LAMA1: variants seen among roughly 807,000 people sequenced by gnomAD.
The protein encoded by LAMA1 is laminin subunit alpha-1.
Under a neutral mutation model 348.7 loss-of-function variants are expected in LAMA1, and 219 were observed. That is an observed-to-expected ratio of 0.63 (90% CI 0.56 to 0.70). The LOEUF is 0.70. Ranked by LOEUF, LAMA1 falls within the 30% of genes least tolerant of loss-of-function variation. The probability of loss-of-function intolerance (pLI) is 0.00; values close to 1 mark genes in which losing one functional copy is unlikely to be tolerated. For synonymous variants in LAMA1, 1,487 were observed against 1,491.0 expected, an observed-to-expected ratio of 1.00 and a Z score of 0.06; for missense variants, 3,744 against 3,888.0, an observed-to-expected ratio of 0.96 and a Z score of 0.99.
chr18:6,999,473 C>T lies in LAMA1; in HGVS notation c.4635G>A (p.Arg1545=), dbSNP rs747435614. 2.2e-5 allele frequency: 35 copies of T among 1,614,044 alleles called. No individual in the cohort carries two copies. In the East Asian group the frequency reaches 5.3e-4, roughly 25 times the overall value. Residue 1545 remains arginine (R), a synonymous_variant, in exon 32 of 63, where the codon AGG becomes AGA. Transcript: ENST00000389658. ...SGLRCDECEP[R]HILMETDCVS... ...CACAATCTGTTTCCATCAGAATGTG[C>T]CTCGGTTCACACTCATCGCACCGGA...
At chr18:7,101,864 T>TGG (rs370724925) in intron 1 of LAMA1, among the ~76,000 whole-genome samples, 1 of 147,982 alleles carries the variant, frequency 6.8e-6, no homozygotes, top group African/African-American at 2.5e-5. Context: ...TTTGTAGAGC[T>TGG]GGGGGGGTCT....
chr18:7,017,232 G>C (rs756289717), intron 20 of LAMA1, 46 bp downstream of exon 20: 1 of 1,451,432 alleles, frequency 6.9e-7, no homozygotes, highest in East Asian at 2.3e-5. Flanking sequence ...GGATTCAATC[G>C]CCTCTGTACC....
chr18:7,026,343 G>C (rs898915793), intron 16 of LAMA1, among the ~76,000 whole-genome samples: 1 of 152,220 alleles, frequency 6.6e-6, no homozygotes, highest in African/African-American at 2.4e-5. Flanking sequence ...ACAAGGGCAG[G>C]AGATGGAGGA....
rs149080936 is a variant in LAMA1 at position 6,974,949 on chromosome 18, C to A, written c.6577G>T (p.Asp2193Tyr). 224 of 1,614,048 alleles carry A rather than the reference C, an allele frequency of 1.4e-4. 1 individual carries two copies. Among genetic ancestry groups the A allele is most frequent in the Middle Eastern group, 1.3e-3 (8 of 6,062 alleles). ...GSGSTRLEFPDFPIDDNRWHS... is the reference protein window; with the variant it reads ...GSGSTRLEFPYFPIDDNRWHS... ...CATCTGTTGTCATCAATGGGAAAGT[C>A]TGGAAACTCCAAGCGTGTGGACCCG... The change falls in exon 46 of 63, where the codon GAC becomes TAC. Residue 2193 changes from aspartate to tyrosine, a missense_variant. Transcript: ENST00000389658.
At position 7,074,391 on chromosome 18, in the gene LAMA1, G is replaced by A. The variant is rs2058158558; in HGVS notation, c.345+5584C>T. ...TGGTTCTCAAACAGGAAATCTTCAT[G>A]TTCTTCTACTGAGAAATGCTACCAT... On this transcript the variant is annotated intron_variant, in intron 3 of 62. Transcript: ENST00000389658. Among the ~76,000 whole-genome samples, 3 of 152,150 alleles carry A rather than the reference G, an allele frequency of 2.0e-5. No homozygotes were observed. The South Asian group carries it at 6.2e-4, about 32-fold the overall frequency.
intron 3 of LAMA1, among the ~76,000 whole-genome samples, chr18:7,075,654 T>C (rs1378105705): frequency 6.9e-6 from 1 of 145,800 alleles, no homozygotes; most frequent in Non-Finnish European, 1.5e-5. Context: ...AAGAAAGCAC[T>C]AGGCTGGGCG....
chr18:7,017,725 G>C (rs572100863), intron 19 of LAMA1, among the ~76,000 whole-genome samples: 1 of 152,162 alleles, frequency 6.6e-6, no homozygotes, highest in African/African-American at 2.4e-5. Context: ...AATCAACTTA[G>C]CCATTTGCCC....
chr18:7,046,200 T>TA (rs1173880760), intron 6 of LAMA1, 78 bp downstream of exon 6: 2 of 931,714 alleles, frequency 2.1e-6, no homozygotes, highest in Non-Finnish European at 3.5e-6. Context: ...TTGTTTGGAA[T>TA]AAAAAAGAGT....
In LAMA1 at chr18:7,050,665, G is replaced by C. The variant is rs1331122612; in HGVS notation, c.588+29C>G. On this transcript the variant is annotated intron_variant, in intron 4 of 62. Transcript: ENST00000389658. ...ACAGGGAGACTCTGATGAGGAAACAGATCTTGCTGCAGCGGGCACCATACC... is the reference window on the plus strand; with the variant it reads ...ACAGGGAGACTCTGATGAGGAAACACATCTTGCTGCAGCGGGCACCATACC... 2.5e-6 allele frequency: 4 copies of C among 1,612,190 alleles called. No homozygotes were observed. In the South Asian group the frequency reaches 4.4e-5, roughly 18 times the overall value.
intron 45 of LAMA1, 147 bp downstream of exon 45, chr18:6,975,790 G>T: frequency 2.2e-6 from 2 of 907,992 alleles, no homozygotes; most frequent in Non-Finnish European, 3.5e-6. Context: ...TTCATCTAAT[G>T]CTACCATTTT....
chr18:6,999,414 A>G (rs1568024722), intron 32 of LAMA1, 31 bp downstream of exon 32: 1 of 1,612,728 alleles, frequency 6.2e-7, no homozygotes, highest in South Asian at 1.1e-5. Context: ...AGGAAAAACC[A>G]TCTTTACACA....
intron 3 of LAMA1, among the ~76,000 whole-genome samples, chr18:7,056,995 C>T (rs550201308): frequency 7.9e-5 from 12 of 152,094 alleles, no homozygotes; most frequent in Non-Finnish European, 1.5e-4. Context: ...CCTCAGCCTC[C>T]GGAGTAGCTG....
At chr18:6,958,429 A>G in intron 55 of LAMA1, 48 bp downstream of exon 55, 1 of 1,591,698 alleles carries the variant, frequency 6.3e-7, no homozygotes, top group South Asian at 1.1e-5. Flanking sequence ...AGCACTCACC[A>G]TGAAAGGTCA....
chr18:7,042,782 C>T, intron 8 of LAMA1: 1 of 201,170 alleles, frequency 5.0e-6, no homozygotes, highest in Non-Finnish European at 1.0e-5. Flanking sequence ...ACTCGGGAGG[C>T]TGAGGCAGGA....
At chr18:7,042,457 C>T (rs757909036) in intron 8 of LAMA1, 2 of 536,004 alleles carry the variant, frequency 3.7e-6, no homozygotes, top group African/African-American at 3.8e-5. Flanking sequence ...GTAGTTAGTA[C>T]CCTTAGCAAA....
Position 6,950,870 on chromosome 18 carries a change from C to G in LAMA1, c.8309G>C (p.Gly2770Ala), listed in dbSNP as rs776319175. Reference sequence around the variant, plus strand: ...GTCAAACATGAAGTGGAGGCGGCCCCCGTGCAGCTGGAGCACAGCGTAGTC... The same window carrying G: ...GTCAAACATGAAGTGGAGGCGGCCCGCGTGCAGCTGGAGCACAGCGTAGTC... Reference protein sequence around the residue: ...QADYAVLQLHGGRLHFMFDLG... With the variant: ...QADYAVLQLHAGRLHFMFDLG... Residue 2770 changes from glycine to alanine, a missense_variant, in exon 58 of 63, where the codon GGG becomes GCG. By Grantham distance (60) the Gly-to-Ala change is moderately conservative. This residue lies in a region of LAMA1 where 1,983 missense variants were observed against 1,934.3 expected (regional missense o/e 1.03). Coordinates refer to ENST00000389658, the MANE Select transcript of LAMA1 (RefSeq NM_005559.4). 2.0e-5 allele frequency: 33 copies of G among 1,614,026 alleles called. No homozygotes were observed. The highest frequency in any genetic ancestry group is 2.7e-5 in the Non-Finnish European group (32 of 1,180,048).
At chr18:6,953,925 A>C (rs2057561940) in intron 57 of LAMA1, 1 of 152,476 alleles carries the variant, frequency 6.6e-6, no homozygotes, top group African/African-American at 2.4e-5. Flanking sequence ...GCTAGGAACA[A>C]GTACCCTTCA....
intron 1 of LAMA1, among the ~76,000 whole-genome samples, chr18:7,085,335 A>G (rs959456031): frequency 2.6e-5 from 4 of 151,694 alleles, no homozygotes. Context: ...ATCTAAATTG[A>G]GAAATTTGTG....
chr18:6,959,109 C>T (rs1260112640), intron 54 of LAMA1, among the ~76,000 whole-genome samples: 5 of 152,040 alleles, frequency 3.3e-5, no homozygotes, highest in Non-Finnish European at 5.9e-5. Flanking sequence ...TTATGCTGGG[C>T]CCCAGTAAAG....
Sources: gnomAD v4.1 joint callset for allele counts (sites outside exome capture counted in the v4.1 genomes callset) on GRCh38, gnomAD v4.1.1 for gene constraint, gnomAD v4.1.1 regional missense constraint, MANE v1.5 for transcripts, NCBI Gene and HGNC (gene_info 2026-07-23, HGNC 2026-07-21) for gene names.